The following RIC8B variants were observed in gnomAD, a reference collection of about 807,000 sequenced individuals.
The protein encoded by RIC8B is chaperone Ric-8B.
In RIC8B, 16 loss-of-function variants were observed where a neutral mutation model predicts 57.5. The ratio of observed to expected loss-of-function variants is 0.28; its 90% CI spans 0.19 to 0.42. The LOEUF is 0.42. RIC8B is among the 10% of genes least tolerant of loss of function. The pLI is 1.00. For missense variants in RIC8B, 481 were observed against 677.0 expected (o/e 0.71, Z 3.21); for synonymous variants, 216 against 250.8 (o/e 0.86, Z 1.31).
chr12:106,806,338 C>T (rs566096485), intron 2 of RIC8B, among the ~76,000 whole-genome samples: 2 of 152,268 alleles, frequency 1.3e-5, no homozygotes. Flanking sequence ...AACAGCTGAC[C>T]ATTCCCTACA....
chr12:106,781,565 A>ACAG (rs2043764496), intron 1 of RIC8B, among the ~76,000 whole-genome samples: 1 of 152,226 alleles, frequency 6.6e-6, no homozygotes, highest in African/African-American at 2.4e-5. Context: ...GTAGTGCCTC[A>ACAG]CAGACCATTA....
At chr12:106,798,179 G>A (rs2044572423) in intron 2 of RIC8B, 3 of 520,624 alleles carry the variant, frequency 5.8e-6, no homozygotes, top group Admixed American at 7.4e-5. Flanking sequence ...ATTTTTTGTT[G>A]TCAAAAATGT....
intron 2 of RIC8B, among the ~76,000 whole-genome samples, chr12:106,798,817 C>T (rs778978555): frequency 6.6e-6 from 1 of 152,100 alleles, no homozygotes; most frequent in African/African-American, 2.4e-5. Context: ...AAAAAGCTTT[C>T]TCTGGCAAAA....
chr12:106,841,253 C>T (rs1198493570), intron 4 of RIC8B, among the ~76,000 whole-genome samples: 5 of 152,136 alleles, frequency 3.3e-5, no homozygotes, highest in African/African-American at 1.2e-4. Flanking sequence ...ATTCATATGA[C>T]TTGTTAAATT....
chr12:106,835,758 G>A (rs551329399), intron 4 of RIC8B, among the ~76,000 whole-genome samples: 1 of 152,312 alleles, frequency 6.6e-6, no homozygotes, highest in Admixed American at 6.5e-5. Flanking sequence ...AATGTTCTAG[G>A]CAGGAGAAAA....
chr12:106,837,634 C>CTTTTTTTTT (rs1298629651), intron 4 of RIC8B, among the ~76,000 whole-genome samples: 2 of 122,164 alleles, frequency 1.6e-5, no homozygotes, highest in Admixed American at 8.3e-5. Context: ...ATCTGAAAAT[C>CTTTTTTTTT]TTTTGTTTTT....
intron 4 of RIC8B, among the ~76,000 whole-genome samples, chr12:106,830,857 C>T (rs560817936): frequency 6.6e-6 from 1 of 152,174 alleles, no homozygotes; most frequent in African/African-American, 2.4e-5. Context: ...CAATTCGAGA[C>T]AGGGATAGAG....
intron 8 of RIC8B, among the ~76,000 whole-genome samples, chr12:106,866,204 AT>A (rs1704425498): frequency 1.3e-5 from 2 of 152,046 alleles, no homozygotes; most frequent in Non-Finnish European, 2.9e-5. Context: ...GTTTTTGTTC[AT>A]GTAGATGTCC....
rs770093641 is a variant in RIC8B, at chr12:106,860,371, T to C, written c.1410T>C (p.Asp470=). ...GGRGDNWYSE[D]EDTDTEEYKN... is the part of the protein sequence containing the mutation. ...GAGGAGATAATTGGTACTCAGAGGA[T>C]GAGGACACAGACACTGAAGAATACA... The change falls in exon 8 of 10, where the codon GAT becomes GAC. Residue 470 remains aspartate, a synonymous_variant. Transcript: ENST00000392837. The C allele has an allele frequency of 1.2e-6, 2 of 1,602,664 alleles. No homozygotes were observed. The highest frequency in any genetic ancestry group is 1.7e-4 in the Middle Eastern group (1 of 6,022).
rs764723269 is a variant in RIC8B at position 106,825,745 on chromosome 12, G to A, written c.761G>A (p.Arg254His). Residue 254 changes from arginine (R) to histidine (H), a missense_variant, in exon 4 of 10, where the codon CGT becomes CAT. Coordinates refer to ENST00000392837, the MANE Select transcript of RIC8B (RefSeq NM_001330145.2). ...VHKESDSHQF[R>H]VMAAVLRHCL... ...CCATAGAGTGATTCTCATCAGTTCCGTGTAATGGCAGCTGTCCTTCGTCAT... is the reference window on the plus strand; with the variant it reads ...CCATAGAGTGATTCTCATCAGTTCCATGTAATGGCAGCTGTCCTTCGTCAT... The A allele has an allele frequency of 1.9e-6, 3 of 1,613,286 alleles. No homozygotes were observed. Among genetic ancestry groups the A allele is most frequent in the South Asian group, 1.1e-5 (1 of 91,058 alleles).
chr12:106,815,245 A>G lies in RIC8B; in HGVS notation c.682A>G (p.Ile228Val). 1 of 1,614,168 alleles carries G rather than the reference A, an allele frequency of 6.2e-7. No homozygotes were observed. The highest frequency in any genetic ancestry group is 8.5e-7 in the Non-Finnish European group (1 of 1,180,006). Residue 228 changes from isoleucine to valine, a missense_variant, in exon 3 of 10, where the codon ATT becomes GTT. Transcript: ENST00000392837. ...CTCACCTCAGGAGACAGACTGTGCCATTGAGGCCCTCAAAGCTCTCTTCAA... is the reference window on the plus strand; with the variant it reads ...CTCACCTCAGGAGACAGACTGTGCCGTTGAGGCCCTCAAAGCTCTCTTCAA... ...PLSPQETDCAIEALKALFNVT... is the reference protein window; with the variant it reads ...PLSPQETDCAVEALKALFNVT...
chr12:106,794,116 T>A (rs1223827624), intron 2 of RIC8B, among the ~76,000 whole-genome samples: 10 of 152,102 alleles, frequency 6.6e-5, no homozygotes, highest in Admixed American at 6.5e-5. Flanking sequence ...AAGTTATTTT[T>A]AAAAAGAGCC....
intron 9 of RIC8B, among the ~76,000 whole-genome samples, chr12:106,881,641 G>A (rs1256597123): frequency 2.0e-5 from 3 of 151,986 alleles, no homozygotes; most frequent in African/African-American, 4.8e-5. Flanking sequence ...TCCACATCTT[G>A]CTGATCTAGA....
rs539676779 is a variant in RIC8B, at chr12:106,825,672, C to G, written c.742-54C>G. 6.1e-6 allele frequency: 8 copies of G among 1,314,918 alleles called. No individual in the cohort carries two copies. The African/African-American group carries it at 8.7e-5, about 14-fold the overall frequency. The allele number at this position is 1,314,918 out of a possible 1,614,324, so 81.5% of individuals were successfully genotyped here. A position where few individuals can be genotyped will look rare whatever the true frequency, so the allele number is the denominator to read the frequency against. On this transcript the variant is annotated intron_variant, in intron 3 of 9. Coordinates refer to ENST00000392837, the MANE Select transcript of RIC8B (RefSeq NM_001330145.2). ...AAGAGATGTAGTAAAGTAGCAGACC[C>G]CACTGTTCAGGCATTCAACCCCCAA... is the stretch of plus-strand genomic sequence containing the variant.
intron 6 of RIC8B, among the ~76,000 whole-genome samples, chr12:106,849,946 G>GCAGGGGTCCC (rs1949391123): frequency 2.0e-5 from 3 of 152,174 alleles, no homozygotes; most frequent in Non-Finnish European, 4.4e-5. Flanking sequence ...ATAATTTAGG[G>GCAGGGGTCCC]CAGGGGTCCC....
intron 9 of RIC8B, chr12:106,874,410 A>C (rs1277200495): frequency 8.6e-7 from 1 of 1,156,744 alleles, no homozygotes; most frequent in African/African-American, 1.5e-5. Context: ...AAGGCATGTG[A>C]GTAAAGGATA....
rs1309481815 is a variant in RIC8B, at chr12:106,828,504, C to CT, written c.836+2692dup. ...AAGTTATTTTCTAAGTTTGTTTTTG[C>CT]TTTTTTTTGGACACTTTGATTTGCT... On this transcript the variant is annotated intron_variant, in intron 4 of 9. Coordinates refer to ENST00000392837, the MANE Select transcript of RIC8B (RefSeq NM_001330145.2). 6.6e-5 allele frequency among the ~76,000 whole-genome samples: 10 copies of CT among 151,828 alleles called. No homozygotes were observed. The East Asian group carries it at 1.9e-3, about 29-fold the overall frequency.
intron 3 of RIC8B, among the ~76,000 whole-genome samples, chr12:106,818,008 T>C (rs2045658794): frequency 6.6e-6 from 1 of 152,120 alleles, no homozygotes; most frequent in Admixed American, 6.5e-5. Context: ...TAAAAGGATA[T>C]GGAAAACTTA....
chr12:106,868,011 T>TA (rs1209682584), intron 8 of RIC8B, among the ~76,000 whole-genome samples: 1 of 152,244 alleles, frequency 6.6e-6, no homozygotes, highest in Non-Finnish European at 1.5e-5. Flanking sequence ...CTTTAGTAGC[T>TA]AATTTCAGAG....
Sources: allele counts gnomAD v4.1 joint callset (sites outside exome capture counted in the v4.1 genomes callset), GRCh38; gene constraint gnomAD v4.1.1; transcripts MANE v1.5; gene names NCBI Gene and HGNC (gene_info 2026-07-23, HGNC 2026-07-21).